The following PLCH1 variants were observed in gnomAD, a reference collection of about 807,000 sequenced individuals.
PLCH1 encodes phospholipase C eta 1, also known as 1-phosphatidylinositol 4,5-bisphosphate phosphodiesterase eta-1.
PLCH1 carries 60 observed loss-of-function variants against 126.7 expected under a neutral mutation model. The ratio of observed to expected loss-of-function variants is 0.47; its 90% CI spans 0.38 to 0.59. The LOEUF is 0.59. Ranked by LOEUF, PLCH1 falls within the 20% of genes least tolerant of loss-of-function variation. PLCH1 has a pLI of 0.00. For missense variants in PLCH1, 1,723 were observed against 2,040.0 expected (o/e 0.84, Z 2.99); for synonymous variants, 719 against 734.9 (o/e 0.98, Z 0.35).
chr3:155,616,111 C>T (rs567948412), intron 2 of PLCH1, among the ~76,000 whole-genome samples: 25 of 152,124 alleles, frequency 1.6e-4, no homozygotes, highest in African/African-American at 4.8e-4. Context: ...AGAAAGAGTC[C>T]GACATTATCT....
At chr3:155,611,451 T>C (rs570961213) in intron 2 of PLCH1, among the ~76,000 whole-genome samples, 6 of 152,222 alleles carry the variant, frequency 3.9e-5, no homozygotes, top group Admixed American at 3.3e-4. Context: ...ATAAAAGGAT[T>C]AGTCCAACAG....
At chr3:155,672,413 A>G (rs1056573368) in intron 2 of PLCH1, among the ~76,000 whole-genome samples, 3 of 152,152 alleles carry the variant, frequency 2.0e-5, no homozygotes, top group African/African-American at 7.2e-5. Flanking sequence ...TACAGGTATC[A>G]CCTTCTTCAT....
chr3:155,695,075 T>C (rs1745697523), intron 2 of PLCH1, among the ~76,000 whole-genome samples: 2 of 151,802 alleles, frequency 1.3e-5, no homozygotes, highest in African/African-American at 4.8e-5. Flanking sequence ...ATTTTAATAG[T>C]ATGCAAACAA....
chr3:155,485,502 C>T lies in PLCH1; in HGVS notation c.2828G>A (p.Arg943Lys). The change falls in exon 22 of 23, where the codon AGA (arginine) becomes AAA (lysine). Residue 943 changes from arginine to lysine, a missense_variant. Physicochemically the swap from Arg to Lys is conservative, Grantham distance 26. Coordinates refer to ENST00000460012, the MANE Select transcript of PLCH1 (RefSeq NM_014996.4). The stretch of plus-strand genomic sequence containing the variant: ...CCTCCTCAGCACGCCATCTTGATCT[C>T]TTGTGGCCTCGGACACAGAATCCTT... ...EIKDSVSEAT[R>K]DQDGVLRRTT... 1 of 1,614,214 alleles carries T rather than the reference C, an allele frequency of 6.2e-7. No individual in the cohort carries two copies. Among genetic ancestry groups the T allele is most frequent in the South Asian group, 1.1e-5 (1 of 91,084 alleles).
chr3:155,657,778 A>G (rs1489899851), intron 2 of PLCH1: 1 of 152,242 alleles, frequency 6.6e-6, no homozygotes, highest in African/African-American at 2.4e-5. Context: ...TGAAAACTTT[A>G]AAAGGCTGGA....
chr3:155,519,795 A>T (rs940148428), intron 11 of PLCH1, among the ~76,000 whole-genome samples: 1 of 151,918 alleles, frequency 6.6e-6, no homozygotes, highest in Non-Finnish European at 1.5e-5. Flanking sequence ...AAAAAAAAAA[A>T]AAAAGGCAAA....
Position 155,482,973 on chromosome 3 carries a change from G to A in PLCH1, c.3053C>T (p.Ser1018Leu). ...PHFLNFNKKL[S>L]SSSSALLHKD... ...GTGGAGCAGAGCACTGGAGGAGGAT[G>A]ATAACTTTTTGTTGAAATTTAGAAA... Residue 1018 changes from serine (S) to leucine (L), a missense_variant, in exon 23 of 23, where the codon TCA becomes TTA. Coordinates refer to ENST00000460012, the MANE Select transcript of PLCH1 (RefSeq NM_014996.4). 6.2e-7 allele frequency: 1 copy of A among 1,613,940 alleles called. No individual in the cohort carries two copies. The highest frequency in any genetic ancestry group is 8.5e-7 in the Non-Finnish European group (1 of 1,179,824).
chr3:155,472,178 T>A (rs1713291562), intron 21 of PLCH1, among the ~76,000 whole-genome samples: 1 of 151,738 alleles, frequency 6.6e-6, no homozygotes. Flanking sequence ...GATAGACCAC[T>A]AGCAAGACTA....
downstream of PLCH1, among the ~76,000 whole-genome samples, chr3:155,476,059 G>A (rs537581519): frequency 3.6e-4 from 54 of 152,000 alleles, no homozygotes; most frequent in East Asian, 7.7e-4. Flanking sequence ...GCAAAAATCC[G>A]TAACAAAATA....
At chr3:155,741,960 T>A (rs1278677233) in intron 1 of PLCH1, among the ~76,000 whole-genome samples, 1 of 152,180 alleles carries the variant, frequency 6.6e-6, no homozygotes, top group Non-Finnish European at 1.5e-5. Flanking sequence ...GTGCACATAA[T>A]GCTTCCTATC....
At chr3:155,546,359 C>G (rs925223334) in intron 10 of PLCH1, among the ~76,000 whole-genome samples, 6 of 152,138 alleles carry the variant, frequency 3.9e-5, no homozygotes, top group Non-Finnish European at 8.8e-5. Flanking sequence ...TCAAGAAGAA[C>G]TACAAACCAC....
At chr3:155,519,840 AT>A (rs1198120035) in intron 11 of PLCH1, among the ~76,000 whole-genome samples, 13 of 149,766 alleles carry the variant, frequency 8.7e-5, no homozygotes, top group African/African-American at 2.5e-4. Context: ...CATCCCCCCA[AT>A]TTTTTTTTCC....
At chr3:155,543,751 A>G (rs1724760515) in intron 10 of PLCH1, among the ~76,000 whole-genome samples, 2 of 151,240 alleles carry the variant, frequency 1.3e-5, no homozygotes. Flanking sequence ...CTTAAAGAAA[A>G]GAATTTTCAA....
chr3:155,707,655 C>T (rs1746778404), intron 1 of PLCH1, among the ~76,000 whole-genome samples: 1 of 138,372 alleles, frequency 7.2e-6, no homozygotes, highest in African/African-American at 2.8e-5. Context: ...AAGAACAAAA[C>T]TCCATCTCAA....
Position 155,646,089 on chromosome 3 carries a change from G to A in PLCH1, c.80-49711C>T, listed in dbSNP as rs541062100. The stretch of plus-strand genomic sequence containing the variant: ...GTATGGGCTATAGATTTGTTGGTTT[G>A]CATGTGAAAGGTGTGTTTCTGGAGA... On this transcript the variant is annotated intron_variant, in intron 2 of 22. Coordinates refer to ENST00000460012, the MANE Select transcript of PLCH1 (RefSeq NM_014996.4). Among the ~76,000 whole-genome samples the A allele has an allele frequency of 2.0e-5, 3 of 152,208 alleles. No homozygotes were observed. The South Asian group carries it at 6.2e-4, about 32-fold the overall frequency.
Position 155,523,899 on chromosome 3 carries a change from A to G in PLCH1, c.1468T>C (p.Tyr490His). ...ATATGGTCATGCCTGCAACTTACAT[A>G]ATGGAGCTTGAATTTGCACTCGTCT... is the stretch of plus-strand genomic sequence containing the variant. ...IEDECKFKLHYSNGTTEHQVE... is the reference protein window; with the variant it reads ...IEDECKFKLHHSNGTTEHQVE... The change falls in exon 11 of 23, where the codon TAT becomes CAT. Residue 490 changes from tyrosine (Y) to histidine (H), a missense_variant and splice_region_variant. Physicochemically the swap from Tyr to His is moderately conservative, Grantham distance 83. Transcript: ENST00000460012. 6.4e-7 allele frequency: 1 copy of G among 1,555,856 alleles called. No individual in the cohort carries two copies. The highest frequency in any genetic ancestry group is 8.8e-7 in the Non-Finnish European group (1 of 1,135,276).
chr3:155,514,632 G>T, intron 12 of PLCH1, 91 bp downstream of exon 12: 1 of 804,570 alleles, frequency 1.2e-6, no homozygotes, highest in Non-Finnish European at 1.8e-6. Flanking sequence ...AATAGAAGAA[G>T]TTGGAGGAGC....
rs771383066 is a variant in PLCH1, at chr3:155,481,984, C to G, written c.4042G>C (p.Glu1348Gln). 1 of 1,614,168 alleles carries G rather than the reference C, an allele frequency of 6.2e-7. No homozygotes were observed. The highest frequency in any genetic ancestry group is 1.7e-5 in the Admixed American group (1 of 60,024). Residue 1348 changes from glutamate to glutamine, a missense_variant, in exon 23 of 23, where the codon GAG (glutamate) becomes CAG (glutamine). Physicochemically the swap from Glu to Gln is conservative, Grantham distance 29. Around this residue, in one of 2 missense-constraint regions of PLCH1, gnomAD observed 947 missense variants for 977.1 expected, o/e 0.97. Transcript: ENST00000460012. The surrounding 1 kb of genome is among the most constrained non-coding windows in gnomAD (Gnocchi z 4.2). ...CCATCAATTTCCACAAGGCTGCTCT[C>G]CCCAGAATTGAAACAGAGAGTGGGA... ...ADPTLCFNSG[E>Q]SSLVEIDGES... is the part of the protein sequence containing the mutation.
chr3:155,618,950 A>G (rs907193515), intron 2 of PLCH1, among the ~76,000 whole-genome samples: 3 of 152,096 alleles, frequency 2.0e-5, no homozygotes, highest in Non-Finnish European at 2.9e-5. Context: ...CCTGATATCA[A>G]TTCCCATACT....
Sources: allele counts gnomAD v4.1 joint callset (sites outside exome capture counted in the v4.1 genomes callset), GRCh38; gene constraint gnomAD v4.1.1; regional missense constraint gnomAD v4.1.1; non-coding constraint Gnocchi (gnomAD v3.1); transcripts MANE v1.5; gene names NCBI Gene and HGNC (gene_info 2026-07-23, HGNC 2026-07-21).